The following MUC22 variants were observed in gnomAD, a reference collection of about 807,000 sequenced individuals.
MUC22 encodes mucin 22, also known as mucin-22.
A neutral mutation model predicts 40.3 loss-of-function variants in MUC22; 24 were observed. The ratio of observed to expected loss-of-function variants is 0.60; its 90% CI spans 0.43 to 0.84. The LOEUF (loss-of-function observed/expected upper bound fraction) is 0.84. Among genes scored for constraint, MUC22 ranks in the 40% least tolerant of loss-of-function variants. The pLI is 0.00. For missense variants in MUC22, 1,926 were observed against 2,130.7 expected (o/e 0.90, Z 1.89); for synonymous variants, 765 against 844.5 (o/e 0.91, Z 1.63).
chr6:31,034,950 A>G, exon 4 of MUC22: 1 of 1,531,922 alleles, frequency 6.5e-7, no homozygotes, highest in South Asian at 1.2e-5. Context: ...GACACCATGG[A>G]GTGGATCACA....
intron 1 of MUC22, among the ~76,000 whole-genome samples, chr6:31,022,008 A>C (rs1764826017): frequency 6.6e-6 from 1 of 152,144 alleles, no homozygotes; most frequent in Non-Finnish European, 1.5e-5. Flanking sequence ...CACTGAGAGG[A>C]AGGAACAATT....
At chr6:31,021,849 G>A (rs9262526) in intron 1 of MUC22, among the ~76,000 whole-genome samples, 7 of 151,132 alleles carry the variant, frequency 4.6e-5, no homozygotes, top group African/African-American at 7.3e-5. Context: ...TGCTTGGGTC[G>A]TTTTCCACAC....
rs924346367 is a variant in MUC22, at chr6:31,026,377, G to A, written c.946G>A (p.Glu316Lys). The A allele has an allele frequency of 1.3e-6, 2 of 1,506,974 alleles. 1 individual carries two copies. The highest frequency in any genetic ancestry group is 2.8e-5 in the African/African-American group (2 of 71,626). The allele number at this position is 1,506,974 out of a possible 1,614,324, so 93.4% of individuals were successfully genotyped here. ...CACCATAGTCTCTATTTCAGGTTCT[G>A]AGATCACCACCACCTCTACGGCAGG... Residue 316 changes from glutamate to lysine, a missense_variant, in exon 2 of 4, where the codon GAG becomes AAG. This residue lies in a region of MUC22 where 1,281 missense variants were observed against 1,337.8 expected (regional missense o/e 0.96). Coordinates refer to ENST00000561890, the Ensembl canonical transcript of MUC22.
At chr6:31,030,378 G>C (rs12110477) in intron 2 of MUC22, among the ~76,000 whole-genome samples, 13 of 152,188 alleles carry the variant, frequency 8.5e-5, no homozygotes, top group Admixed American at 8.5e-4. Flanking sequence ...TTAGCTGGGC[G>C]TGGTGGCGGG....
chr6:31,032,576 T>C lies in MUC22; in HGVS notation c.5050T>C (p.Cys1684Arg). The C allele has an allele frequency of 6.5e-7, 1 of 1,533,426 alleles. No individual in the cohort carries two copies. The allele number at this position is 1,533,426 out of a possible 1,614,324, so 95.0% of individuals were successfully genotyped here. ...TGGATTGTCAGTAGGACTGAGTTTT[T>C]GTCTGGTGAGTACCCAGGGTGGGTT... Residue 1684 changes from cysteine (C) to arginine (R), a missense_variant, in exon 3 of 4, where the codon TGT (cysteine) becomes CGT (arginine). By Grantham distance (180) the Cys-to-Arg change is radical. Around this residue, in one of 3 missense-constraint regions of MUC22, gnomAD observed 610 missense variants for 714.6 expected, o/e 0.85. Transcript: ENST00000561890. This position sits in a 1 kb window ranked among gnomAD's most constrained non-coding sequence, Gnocchi z 4.1.
At chr6:31,017,472 A>G (rs1171534756) in intron 1 of MUC22, among the ~76,000 whole-genome samples, 1 of 152,058 alleles carries the variant, frequency 6.6e-6, no homozygotes, top group African/African-American at 2.4e-5. Flanking sequence ...CAAGGTTTGT[A>G]AACACACCAG....
At chr6:31,019,364 C>T (rs1440416290) in intron 1 of MUC22, among the ~76,000 whole-genome samples, 1 of 152,228 alleles carries the variant, frequency 6.6e-6, no homozygotes, top group East Asian at 1.9e-4. Context: ...ATAATTACTG[C>T]TCTTAATTTT....
chr6:31,034,016 T>C (rs1766268303), intron 3 of MUC22, among the ~76,000 whole-genome samples: 1 of 152,260 alleles, frequency 6.6e-6, no homozygotes, highest in African/African-American at 2.4e-5. Context: ...AAAGTGAACA[T>C]TGAGTTTTTA....
intron 1 of MUC22, among the ~76,000 whole-genome samples, chr6:31,019,341 C>A (rs894823689): frequency 4.6e-5 from 7 of 152,234 alleles, no homozygotes; most frequent in Non-Finnish European, 1.0e-4. Flanking sequence ...CTGCTACCAT[C>A]CTAGTTCAAG....
Position 31,026,634 on chromosome 6 carries a change from C to T in MUC22, c.1203C>T (p.Thr401=), listed in dbSNP as rs932293774. 1.3e-5 allele frequency: 19 copies of T among 1,502,874 alleles called. 3 individuals carry two copies. Among genetic ancestry groups the T allele is most frequent in the Non-Finnish European group, 1.7e-5 (19 of 1,126,810 alleles). 93.1% of individuals were successfully genotyped at this position (1,502,874 alleles called of 1,614,324 possible). ...GCTCTGAGACCACCACAGTCTCCACCGTGGGCTCTGAGACCACCACAGCCT... is the reference window on the plus strand; with the variant it reads ...GCTCTGAGACCACCACAGTCTCCACTGTGGGCTCTGAGACCACCACAGCCT... The change falls in exon 2 of 4, where the codon ACC becomes ACT. Residue 401 remains threonine, a synonymous_variant. Coordinates refer to ENST00000561890, the Ensembl canonical transcript of MUC22.
In MUC22 at chr6:31,034,560, C is replaced by T. The variant is rs549901851; in HGVS notation, c.5056-112C>T. ...AAGGATGGTGGTAAAGAGAAGAGAACATGGGCAGTTTGGAAAAGTGAAAAT... is the reference window on the plus strand; with the variant it reads ...AAGGATGGTGGTAAAGAGAAGAGAATATGGGCAGTTTGGAAAAGTGAAAAT... On this transcript the variant is annotated intron_variant, in intron 3 of 3. Transcript: ENST00000561890. 9.8e-5 allele frequency: 81 copies of T among 829,448 alleles called. 1 individual carries two copies. In the South Asian group the frequency reaches 1.4e-3, roughly 15 times the overall value. The allele number at this position is 829,448 out of a possible 1,614,324, so 51.4% of individuals were successfully genotyped here.
intron 1 of MUC22, 24 bp from the exon 2 acceptor site, chr6:31,025,478 C>T (rs1178477023): frequency 6.8e-7 from 1 of 1,465,776 alleles, no homozygotes; most frequent in Non-Finnish European, 8.9e-7. Context: ...CCATTCCCAC[C>T]ACCTTATTTG....
chr6:31,021,285 A>G (rs1402988691), intron 1 of MUC22, among the ~76,000 whole-genome samples: 3 of 152,166 alleles, frequency 2.0e-5, no homozygotes, highest in Admixed American at 6.5e-5. Flanking sequence ...GAGTACACCA[A>G]TGGACACTCT....
exon 2 of MUC22, chr6:31,027,717 C>T (rs1187766289): frequency 1.3e-6 from 2 of 1,533,474 alleles, no homozygotes. Flanking sequence ...CTACTGAAGG[C>T]TCTGAGACCA....
At chr6:31,015,352 A>C (rs1764120940) in intron 1 of MUC22, among the ~76,000 whole-genome samples, 1 of 152,160 alleles carries the variant, frequency 6.6e-6, no homozygotes, top group South Asian at 2.1e-4. Context: ...ATATATATAC[A>C]AGCAGAAATC....
chr6:31,022,556 AAT>A (rs1020609368), intron 1 of MUC22, among the ~76,000 whole-genome samples: 11 of 145,940 alleles, frequency 7.5e-5, no homozygotes, highest in Non-Finnish European at 1.7e-4. Flanking sequence ...TATGGGTAAA[AAT>A]AAAATTTTTT....
rs1031486802 is a variant in MUC22 at position 31,032,596 on chromosome 6, TGG to T, written c.5055+17_5055+18del. 3.9e-6 allele frequency: 6 copies of T among 1,525,432 alleles called. No homozygotes were observed. The African/African-American group carries it at 8.2e-5, about 21-fold the overall frequency. The allele number at this position is 1,525,432 out of a possible 1,614,324, so 94.5% of individuals were successfully genotyped here. A position where few individuals can be genotyped will look rare whatever the true frequency, so the allele number is the denominator to read the frequency against. ...GTTTTTGTCTGGTGAGTACCCAGGG[TGG>T]GTTCATAGGGGAGCCTGGCAAGAAG... On this transcript the variant is annotated intron_variant, in intron 3 of 3. Transcript: ENST00000561890. The surrounding 1 kb of genome is among the most constrained non-coding windows in gnomAD (Gnocchi z 4.1).
rs557296023 is a variant in MUC22, at chr6:31,016,817, G to A, written c.70+6041G>A. Among the ~76,000 whole-genome samples, 543 of 152,350 alleles carry A rather than the reference G, an allele frequency of 3.6e-3. 1 individual carries two copies. Among genetic ancestry groups the A allele is most frequent in the African/African-American group, 0.012 (486 of 41,594 alleles). Reference sequence around the variant, plus strand: ...GGGAGAGGCACGGGCGGGAACCCGGGCTGCCTGCGGCACTTGCGGGCCAGC... The same window carrying A: ...GGGAGAGGCACGGGCGGGAACCCGGACTGCCTGCGGCACTTGCGGGCCAGC... On this transcript the variant is annotated intron_variant, in intron 1 of 3. Coordinates refer to ENST00000561890, the Ensembl canonical transcript of MUC22.
chr6:31,032,432 T>C lies in MUC22; in HGVS notation c.4906T>C (p.Ser1636Pro), dbSNP rs1368311774. ...CACCTTCCAGGAAACAGGCCCGGTG[T>C]CCATGGGCACAAACACAGTTAGCAT... Residue 1636 changes from serine (S) to proline (P), a missense_variant, in exon 3 of 4, where the codon TCC becomes CCC. Ser to Pro is a moderately conservative substitution (Grantham distance 74, BLOSUM62 -1). This residue lies in a region of MUC22 where 610 missense variants were observed against 714.6 expected (regional missense o/e 0.85). Transcript: ENST00000561890. The surrounding 1 kb of genome is among the most constrained non-coding windows in gnomAD (Gnocchi z 4.1). 2 of 1,535,644 alleles carry C rather than the reference T, an allele frequency of 1.3e-6. No individual in the cohort carries two copies. The highest frequency in any genetic ancestry group is 4.9e-5 in the East Asian group (2 of 40,920).
Sources: gnomAD v4.1 joint callset for allele counts (sites outside exome capture counted in the v4.1 genomes callset) on GRCh38, gnomAD v4.1.1 for gene constraint, gnomAD v4.1.1 regional missense constraint, Gnocchi (gnomAD v3.1) non-coding constraint, MANE v1.5 for transcripts, NCBI Gene and HGNC (gene_info 2026-07-23, HGNC 2026-07-21) for gene names.